TTC3: variants seen among roughly 807,000 people sequenced by gnomAD.
The protein encoded by TTC3 is tetratricopeptide repeat domain 3.
In TTC3, 180 loss-of-function variants were observed where a neutral mutation model predicts 249.6. That is an observed-to-expected ratio of 0.72 (90% CI 0.64 to 0.82). The LOEUF (loss-of-function observed/expected upper bound fraction) is 0.82, where lower values mean the gene tolerates loss of function less well. TTC3 is among the 40% of genes least tolerant of loss of function. TTC3 has a pLI of 0.00. For missense variants in TTC3, 2,061 were observed against 2,398.4 expected, an observed-to-expected ratio of 0.86 and a Z score of 2.94; for synonymous variants, 717 against 805.0, an observed-to-expected ratio of 0.89 and a Z score of 1.85.
exon 46 of TTC3, chr21:37,201,867 C>G (rs1171153976): frequency 1.4e-5 from 5 of 369,192 alleles, no homozygotes; most frequent in African/African-American, 8.5e-5. Flanking sequence ...CTATGAACGT[C>G]TCGAAGCAGT....
intron 28 of TTC3, among the ~76,000 whole-genome samples, chr21:37,157,736 A>G (rs767556680): frequency 2.0e-5 from 3 of 152,144 alleles, no homozygotes; most frequent in Non-Finnish European, 2.9e-5. Context: ...CTAACTAGCT[A>G]GCTAGCAGCT....
At chr21:37,120,575 G>A (rs1483094827) in intron 11 of TTC3, among the ~76,000 whole-genome samples, 1 of 152,134 alleles carries the variant, frequency 6.6e-6, no homozygotes, top group Non-Finnish European at 1.5e-5. Flanking sequence ...AGATGCCTTT[G>A]TCTTCTTATA....
chr21:37,121,724 G>T, intron 11 of TTC3, 93 bp from the exon 12 acceptor site: 2 of 1,192,590 alleles, frequency 1.7e-6, no homozygotes, highest in South Asian at 2.0e-5. Flanking sequence ...TTTAAGTAAT[G>T]AATCAGTTTT....
At chr21:37,171,632 T>C (rs1013221533) in intron 34 of TTC3, among the ~76,000 whole-genome samples, 10 of 152,202 alleles carry the variant, frequency 6.6e-5, no homozygotes, top group Admixed American at 3.3e-4. Flanking sequence ...CCATAAAGTT[T>C]TGCTCCTGGT....
chr21:37,080,688 C>G (rs1176027529), intron 1 of TTC3, among the ~76,000 whole-genome samples: 1 of 151,998 alleles, frequency 6.6e-6, no homozygotes, highest in Admixed American at 6.6e-5. Context: ...GTGGCTCGAA[C>G]CTTTACTATA....
chr21:37,152,660 G>A (rs1178157596), intron 26 of TTC3, among the ~76,000 whole-genome samples: 10 of 152,136 alleles, frequency 6.6e-5, no homozygotes, highest in Non-Finnish European at 1.3e-4. Flanking sequence ...TTACAGGCAT[G>A]AGCCACCACG....
At chr21:37,093,152 T>G (rs1601344423) in intron 7 of TTC3, among the ~76,000 whole-genome samples, 2 of 151,732 alleles carry the variant, frequency 1.3e-5, no homozygotes, top group East Asian at 3.9e-4. Flanking sequence ...CCGAGGCGGG[T>G]GGATCACGAG....
chr21:37,124,515 T>A, intron 13 of TTC3, 104 bp from the exon 14 acceptor site: 1 of 1,252,406 alleles, frequency 8.0e-7, no homozygotes, highest in Non-Finnish European at 1.1e-6. Flanking sequence ...TTTAAAACAA[T>A]AATACCTTGC....
At chr21:37,144,277 A>T (rs1388914941) in intron 20 of TTC3, among the ~76,000 whole-genome samples, 1 of 152,070 alleles carries the variant, frequency 6.6e-6, no homozygotes. Context: ...ACAAACAACA[A>T]AAAAGTGTAC....
At chr21:37,104,159 G>A in intron 10 of TTC3, among the ~76,000 whole-genome samples, 1 of 152,150 alleles carries the variant, frequency 6.6e-6, no homozygotes, top group South Asian at 2.1e-4. Context: ...GAGAGTGAAG[G>A]TGGTTGGAAC....
chr21:37,185,784 G>A lies in TTC3; in HGVS notation c.4826+10G>A. 1.3e-6 allele frequency: 2 copies of A among 1,499,116 alleles called. No homozygotes were observed. Among genetic ancestry groups the A allele is most frequent in the Non-Finnish European group, 1.8e-6 (2 of 1,121,710 alleles). 92.9% of individuals were successfully genotyped at this position (1,499,116 alleles called of 1,614,324 possible). A position where few individuals can be genotyped will look rare whatever the true frequency, so the allele number is the denominator to read the frequency against. On this transcript the variant is annotated intron_variant, in intron 37 of 45. Transcript: ENST00000355666. The stretch of plus-strand genomic sequence containing the variant: ...AGTCCCTTGAAATCAGGCAAATTAA[G>A]CTTAAATTTATTTTTAATATATTTT...
At chr21:37,096,555 C>G (rs1469737579) in intron 9 of TTC3, 26 bp from the exon 10 acceptor site, 6 of 1,559,954 alleles carry the variant, frequency 3.8e-6, no homozygotes, top group Non-Finnish European at 8.8e-7. Flanking sequence ...ATGTGCTTTA[C>G]TGACTAAACA....
intron 14 of TTC3, 123 bp downstream of exon 14, chr21:37,124,865 C>A: frequency 1.2e-6 from 1 of 812,586 alleles, no homozygotes. Flanking sequence ...CCTATTGTTA[C>A]TGAAATAATG....
At chr21:37,098,869 G>A (rs1431998705) in intron 10 of TTC3, 1 of 152,176 alleles carries the variant, frequency 6.6e-6, no homozygotes, top group Non-Finnish European at 1.5e-5. Flanking sequence ...GAGTTACTGA[G>A]ATTAAGATGT....
chr21:37,114,602 A>G (rs1410504631), intron 11 of TTC3, among the ~76,000 whole-genome samples: 4 of 152,052 alleles, frequency 2.6e-5, no homozygotes, highest in Non-Finnish European at 5.9e-5. Flanking sequence ...AACTAGTTCA[A>G]CCATTGTGGA....
Position 37,121,935 on chromosome 21 carries a change from T to C in TTC3, c.1019T>C (p.Ile340Thr), listed in dbSNP as rs565122832. 53 of 1,612,504 alleles carry C rather than the reference T, an allele frequency of 3.3e-5. 2 individuals are homozygous for C. In the South Asian group the frequency reaches 5.7e-4, roughly 17 times the overall value. ...GACCCTGAGGGAATCAAGGATCTAA[T>C]TCAGCAGCATGTAAAGTTACAAAAA... is the stretch of plus-strand genomic sequence containing the variant. Residue 340 changes from isoleucine (I) to threonine (T), a missense_variant, in exon 12 of 46, where the codon ATT (isoleucine) becomes ACT (threonine). Physicochemically the swap from Ile to Thr is moderately conservative, Grantham distance 89. Coordinates refer to ENST00000355666, the Ensembl canonical transcript of TTC3.
intron 8 of TTC3, among the ~76,000 whole-genome samples, chr21:37,094,800 C>T (rs1172640223): frequency 1.3e-5 from 2 of 152,072 alleles, no homozygotes; most frequent in Admixed American, 6.5e-5. Flanking sequence ...TATTCTCTAA[C>T]AAAGTTAGTG....
chr21:37,153,473 G>A (rs1163976976), intron 27 of TTC3, 196 bp downstream of exon 27: 3 of 560,390 alleles, frequency 5.4e-6, no homozygotes, highest in African/African-American at 3.8e-5. Flanking sequence ...TCAGGAATTT[G>A]AGACCAACCT....
chr21:37,154,099 T>C (rs2079755867), intron 27 of TTC3, among the ~76,000 whole-genome samples: 1 of 152,206 alleles, frequency 6.6e-6, no homozygotes. Flanking sequence ...GAGGTAGGGA[T>C]GCTTTGGGCA....
Sources: gnomAD v4.1 joint callset for allele counts (sites outside exome capture counted in the v4.1 genomes callset) on GRCh38, gnomAD v4.1.1 for gene constraint, MANE v1.5 for transcripts, NCBI Gene and HGNC (gene_info 2026-07-23, HGNC 2026-07-21) for gene names.